SLC4A10: variants seen among roughly 807,000 people sequenced by gnomAD.
SLC4A10 encodes sodium-driven chloride bicarbonate exchanger.
SLC4A10 carries 42 observed loss-of-function variants against 137.7 expected under a neutral mutation model. That is an observed-to-expected ratio of 0.30 (90% CI 0.24 to 0.39). The LOEUF is 0.39. SLC4A10 is among the 10% of genes least tolerant of loss of function. The pLI is 1.00. For missense variants in SLC4A10, 925 were observed against 1,355.0 expected, an observed-to-expected ratio of 0.68 and a Z score of 4.98; for synonymous variants, 474 against 464.1, an observed-to-expected ratio of 1.02 and a Z score of -0.27.
intron 1 of SLC4A10, among the ~76,000 whole-genome samples, chr2:161,689,693 C>A (rs1179706392): frequency 1.3e-5 from 2 of 152,124 alleles, no homozygotes; most frequent in Admixed American, 6.6e-5. Flanking sequence ...GAAATAAGAT[C>A]TTTCCAGATG....
At chr2:161,741,121 A>G (rs2047836984) in intron 1 of SLC4A10, among the ~76,000 whole-genome samples, 1 of 151,968 alleles carries the variant, frequency 6.6e-6, no homozygotes, top group African/African-American at 2.4e-5. Flanking sequence ...AAAAATTAGC[A>G]AAGTGTTGTA....
rs2041072677 is a variant in SLC4A10, at chr2:161,683,405, G to T, written c.48+58839G>T. On this transcript the variant is annotated intron_variant, in intron 1 of 26. Coordinates refer to ENST00000446997, the MANE Select transcript of SLC4A10 (RefSeq NM_001178015.2). ...CCTTTAGAAATAAGTTGCAGAGAGG[G>T]TATTTAGGGAACAGTGAGAGAGCCA... is the stretch of plus-strand genomic sequence containing the variant. 2.0e-5 allele frequency among the ~76,000 whole-genome samples: 3 copies of T among 152,252 alleles called. No homozygotes were observed. The South Asian group carries it at 6.2e-4, about 32-fold the overall frequency.
intron 1 of SLC4A10, among the ~76,000 whole-genome samples, chr2:161,753,689 A>T (rs1031413051): frequency 2.0e-5 from 3 of 152,074 alleles, no homozygotes; most frequent in African/African-American, 7.2e-5. Flanking sequence ...TGAAGAAATT[A>T]TCAAACTTTA....
chr2:161,647,210 G>A (rs994219268), intron 1 of SLC4A10, among the ~76,000 whole-genome samples: 2 of 151,980 alleles, frequency 1.3e-5, no homozygotes, highest in African/African-American at 4.8e-5. Flanking sequence ...TAATCCCATA[G>A]TTAACAATAT....
chr2:161,827,854 C>T (rs1223106205), intron 3 of SLC4A10, among the ~76,000 whole-genome samples: 1 of 152,170 alleles, frequency 6.6e-6, no homozygotes, highest in Non-Finnish European at 1.5e-5. Context: ...CGTGAGCCCC[C>T]GCGCCCGGCC....
intron 1 of SLC4A10, among the ~76,000 whole-genome samples, chr2:161,739,117 G>C (rs1038685946): frequency 1.3e-5 from 2 of 152,054 alleles, no homozygotes; most frequent in South Asian, 2.1e-4. Context: ...GTGGGTGGGT[G>C]GGGGGAACAT....
At chr2:161,656,605 A>T in intron 1 of SLC4A10, among the ~76,000 whole-genome samples, 1 of 152,206 alleles carries the variant, frequency 6.6e-6, no homozygotes, top group East Asian at 1.9e-4. Flanking sequence ...CATGTATAAA[A>T]TACAAATATA....
At chr2:161,720,028 G>T (rs1199195252) in intron 1 of SLC4A10, among the ~76,000 whole-genome samples, 3 of 152,122 alleles carry the variant, frequency 2.0e-5, no homozygotes, top group Admixed American at 2.0e-4. Flanking sequence ...ATGGTTTTAG[G>T]TCTAACATTT....
intron 1 of SLC4A10, among the ~76,000 whole-genome samples, chr2:161,638,038 T>C (rs939069916): frequency 2.0e-5 from 3 of 152,216 alleles, no homozygotes; most frequent in African/African-American, 7.2e-5. Context: ...TATTTACCTT[T>C]TGTCAGATGC....
chr2:161,952,282 T>A (rs1694940621), intron 19 of SLC4A10, among the ~76,000 whole-genome samples: 1 of 152,162 alleles, frequency 6.6e-6, no homozygotes, highest in African/African-American at 2.4e-5. Context: ...ACCTTATAAA[T>A]CACATGACAC....
intron 1 of SLC4A10, among the ~76,000 whole-genome samples, chr2:161,645,978 A>G (rs1028515709): frequency 1.9e-4 from 29 of 152,074 alleles, no homozygotes; most frequent in Admixed American, 9.8e-4. Flanking sequence ...TATAACTTCT[A>G]TTAATGCACA....
intron 10 of SLC4A10, among the ~76,000 whole-genome samples, chr2:161,883,114 T>C (rs1183225263): frequency 6.6e-6 from 1 of 152,196 alleles, no homozygotes; most frequent in East Asian, 1.9e-4. Flanking sequence ...TTTCCTTTAC[T>C]TGGGTTCTCC....
intron 2 of SLC4A10, among the ~76,000 whole-genome samples, chr2:161,774,127 A>T (rs1326937360): frequency 6.6e-6 from 1 of 151,858 alleles, no homozygotes; most frequent in Non-Finnish European, 1.5e-5. Flanking sequence ...GAATCTCTGT[A>T]ATTAGACAAC....
At chr2:161,634,101 T>G (rs1257820247) in intron 1 of SLC4A10, among the ~76,000 whole-genome samples, 1 of 151,828 alleles carries the variant, frequency 6.6e-6, no homozygotes, top group African/African-American at 2.4e-5. Flanking sequence ...CAATTCAGAG[T>G]ACCATATTGT....
chr2:161,720,874 A>T lies in SLC4A10; in HGVS notation c.49-50099A>T, dbSNP rs1238905863. On this transcript the variant is annotated intron_variant, in intron 1 of 26. Coordinates refer to ENST00000446997, the MANE Select transcript of SLC4A10 (RefSeq NM_001178015.2). The stretch of plus-strand genomic sequence containing the variant: ...GATGCAGAGTCTTGCTCTGTCACCC[A>T]GGCTGGAGTACAGTGGCATGATCTT... Among the ~76,000 whole-genome samples the T allele has an allele frequency of 2.7e-5, 4 of 148,684 alleles. No homozygotes were observed. The East Asian group carries it at 7.9e-4, about 29-fold the overall frequency.
intron 21 of SLC4A10, among the ~76,000 whole-genome samples, chr2:161,962,866 A>G (rs1200313718): frequency 6.6e-6 from 1 of 152,146 alleles, no homozygotes; most frequent in Non-Finnish European, 1.5e-5. Flanking sequence ...ATTTTGACTC[A>G]ATGGACAACT....
intron 1 of SLC4A10, among the ~76,000 whole-genome samples, chr2:161,652,889 A>C (rs1003549149): frequency 3.3e-5 from 5 of 151,726 alleles, no homozygotes; most frequent in Non-Finnish European, 5.9e-5. Flanking sequence ...TCCAGGATAC[A>C]TGTGCATAAC....
In SLC4A10 at chr2:161,718,688, A is replaced by G. The variant is rs184743128; in HGVS notation, c.49-52285A>G. Reference sequence around the variant, plus strand: ...ACTGTTGTGATTTCAGTTCTTTTGCATTTGCTGAAGAGTGTTTTACTTCCA... The same window carrying G: ...ACTGTTGTGATTTCAGTTCTTTTGCGTTTGCTGAAGAGTGTTTTACTTCCA... On this transcript the variant is annotated intron_variant, in intron 1 of 26. Coordinates refer to ENST00000446997, the MANE Select transcript of SLC4A10 (RefSeq NM_001178015.2). 2.3e-3 allele frequency among the ~76,000 whole-genome samples: 354 copies of G among 152,184 alleles called. 2 individuals are homozygous for G. The highest frequency in any genetic ancestry group is 8.0e-3 in the African/African-American group (331 of 41,538).
intron 9 of SLC4A10, among the ~76,000 whole-genome samples, chr2:161,881,752 G>A (rs1024043694): frequency 2.0e-5 from 3 of 151,852 alleles, no homozygotes; most frequent in Non-Finnish European, 4.4e-5. Flanking sequence ...CCAAATGTTC[G>A]ACCTAATATA....
Sources: allele counts gnomAD v4.1 joint callset (sites outside exome capture counted in the v4.1 genomes callset), GRCh38; gene constraint gnomAD v4.1.1; transcripts MANE v1.5; gene names NCBI Gene and HGNC (gene_info 2026-07-23, HGNC 2026-07-21).